The following DLEC1 variants were observed in gnomAD, a reference collection of about 807,000 sequenced individuals.
DLEC1 encodes the protein deleted in lung and esophageal cancer protein 1.
A neutral mutation model predicts 198.1 loss-of-function variants in DLEC1; 146 were observed. The observed-to-expected ratio is 0.74, with a 90% CI of 0.64 to 0.85. The LOEUF is 0.85. Among genes scored for constraint, DLEC1 ranks in the 40% least tolerant of loss-of-function variants. DLEC1 has a pLI of 0.00. For missense variants in DLEC1, 2,233 were observed against 2,220.0 expected (o/e 1.01, Z -0.12); for synonymous variants, 897 against 866.8 (o/e 1.03, Z -0.61).
intron 27 of DLEC1, among the ~76,000 whole-genome samples, chr3:38,116,088 G>A (rs1174025349): frequency 6.6e-6 from 1 of 152,040 alleles, no homozygotes; most frequent in Non-Finnish European, 1.5e-5. Flanking sequence ...TAGGCTGATG[G>A]ATAGATGGGG....
At chr3:38,041,392 C>T (rs1364498143) in intron 1 of DLEC1, among the ~76,000 whole-genome samples, 1 of 152,200 alleles carries the variant, frequency 6.6e-6, no homozygotes, top group Non-Finnish European at 1.5e-5. Context: ...ATCCTTCCAC[C>T]TCAGCCTCTC....
intron 19 of DLEC1, chr3:38,103,502 A>G (rs1187405443): frequency 6.6e-6 from 1 of 152,212 alleles, no homozygotes; most frequent in Admixed American, 6.5e-5. Flanking sequence ...TGTTTGCATA[A>G]CATTTTATTT....
intron 21 of DLEC1, 51 bp from the exon 22 acceptor site, chr3:38,109,381 A>G (rs759692048): frequency 6.2e-7 from 1 of 1,608,966 alleles, no homozygotes; most frequent in South Asian, 1.1e-5. Context: ...ATCTGGGCTC[A>G]TCTTCAGAGG....
intron 6 of DLEC1, among the ~76,000 whole-genome samples, chr3:38,075,876 G>T (rs1232524729): frequency 6.6e-6 from 1 of 151,702 alleles, no homozygotes; most frequent in Non-Finnish European, 1.5e-5. Flanking sequence ...CAGAGAGAAG[G>T]GGTTGGGGTA....
chr3:38,106,755 C>CAAAA (rs4019982), intron 19 of DLEC1, among the ~76,000 whole-genome samples: 7 of 38,962 alleles, frequency 1.8e-4, no homozygotes, highest in African/African-American at 5.0e-4. Context: ...GACTCTATCT[C>CAAAA]AAAAAAAAAA....
Position 38,116,628 on chromosome 3 carries a change from A to G in DLEC1, c.4032A>G (p.Ser1344=). 1 of 1,614,058 alleles carries G rather than the reference A, an allele frequency of 6.2e-7. No individual in the cohort carries two copies. The highest frequency in any genetic ancestry group is 8.5e-7 in the Non-Finnish European group (1 of 1,179,980). The change falls in exon 28 of 37, where the codon TCA becomes TCG. Residue 1344 remains serine, a synonymous_variant. Coordinates refer to ENST00000308059, the MANE Select transcript of DLEC1 (RefSeq NM_007335.4). ...TCTGGTCCCCAGGCCCCTCCAGTTCATCGGAATTCAGCCATGAAACTGACT... is the reference window on the plus strand; with the variant it reads ...TCTGGTCCCCAGGCCCCTCCAGTTCGTCGGAATTCAGCCATGAAACTGACT... ...CLLWSPGPSS[S]SEFSHETDSS...
intron 2 of DLEC1, 43 bp from the exon 3 acceptor site, chr3:38,059,699 G>A (rs1696573002): frequency 3.8e-6 from 6 of 1,558,980 alleles, no homozygotes; most frequent in Non-Finnish European, 5.3e-6. Context: ...TTCAAAGTCA[G>A]TCTGGCTGGA....
chr3:38,083,000 A>G (rs1186009354), intron 6 of DLEC1, among the ~76,000 whole-genome samples: 2 of 152,106 alleles, frequency 1.3e-5, no homozygotes, highest in African/African-American at 4.8e-5. Context: ...AATGAAAGGA[A>G]TTGAAATTAA....
intron 6 of DLEC1, among the ~76,000 whole-genome samples, chr3:38,077,036 G>A (rs1193023152): frequency 6.6e-6 from 1 of 152,156 alleles, no homozygotes; most frequent in Non-Finnish European, 1.5e-5. Context: ...ATAAGAGAAG[G>A]AGAAAAACAG....
intron 9 of DLEC1, among the ~76,000 whole-genome samples, chr3:38,087,072 T>TAAA (rs1171845280): frequency 8.0e-6 from 1 of 125,532 alleles, no homozygotes; most frequent in African/African-American, 3.5e-5. Flanking sequence ...AGACTCCATC[T>TAAA]CAAAAAAAAA....
intron 23 of DLEC1, among the ~76,000 whole-genome samples, chr3:38,110,815 C>A (rs1018325287): frequency 1.3e-5 from 2 of 149,654 alleles, no homozygotes; most frequent in African/African-American, 2.6e-5. Flanking sequence ...CACATGCATA[C>A]ACACATACAT....
intron 19 of DLEC1, among the ~76,000 whole-genome samples, chr3:38,101,782 T>C (rs1158129509): frequency 6.6e-6 from 1 of 152,182 alleles, no homozygotes; most frequent in Non-Finnish European, 1.5e-5. Flanking sequence ...CAGGTCTAGG[T>C]ATGAGTCTTT....
In DLEC1 at chr3:38,067,703, A is replaced by G. The variant is rs904722445; in HGVS notation, c.1173+3784A>G. ...GGCTGTGCTTCCTTACAGTATGGCA[A>G]TCTCAGGTTAATCAGACTTTTACAT... is the stretch of plus-strand genomic sequence containing the variant. On this transcript the variant is annotated intron_variant, in intron 6 of 36. Coordinates refer to ENST00000308059, the MANE Select transcript of DLEC1 (RefSeq NM_007335.4). Among the ~76,000 whole-genome samples the G allele has an allele frequency of 4.6e-5, 7 of 151,032 alleles. No homozygotes were observed. The South Asian group carries it at 6.3e-4, about 14-fold the overall frequency.
At chr3:38,117,773 C>T in intron 32 of DLEC1, 33 bp from the exon 33 acceptor site, 1 of 1,605,834 alleles carries the variant, frequency 6.2e-7, no homozygotes, top group Non-Finnish European at 8.5e-7. Flanking sequence ...AGACAAGATG[C>T]ATTCCCTGCC....
chr3:38,116,213 C>A (rs866392521), intron 27 of DLEC1, among the ~76,000 whole-genome samples: 3 of 152,288 alleles, frequency 2.0e-5, no homozygotes, highest in Non-Finnish European at 2.9e-5. Flanking sequence ...GACATGGAGA[C>A]CTGGTCTTGT....
At position 38,092,878 on chromosome 3, in the gene DLEC1, T is replaced by C. The variant is rs559949061; in HGVS notation, c.1754T>C (p.Ile585Thr). The change falls in exon 11 of 37, where the codon ATA (isoleucine) becomes ACA (threonine). Residue 585 changes from isoleucine to threonine, a missense_variant and splice_region_variant. Physicochemically the swap from Ile to Thr is moderately conservative, Grantham distance 89. Coordinates refer to ENST00000308059, the MANE Select transcript of DLEC1 (RefSeq NM_007335.4). ...DNCQIKELVT[I>T]GIGQLIALDL... ...TGCCAGATAAAGGAGCTGGTGACCA[T>C]AGGTGGGCTTGAGTGTACTCCCAGG... 6.2e-6 allele frequency: 10 copies of C among 1,614,152 alleles called. No individual in the cohort carries two copies. The South Asian group carries it at 7.7e-5, about 12-fold the overall frequency.
intron 14 of DLEC1, 72 bp downstream of exon 14, chr3:38,096,018 A>T: frequency 6.3e-7 from 1 of 1,584,210 alleles, no homozygotes; most frequent in South Asian, 1.1e-5. Context: ...TCTCCTGGGG[A>T]AGGTATCAGG....
Position 38,112,135 on chromosome 3 carries a change from G to A in DLEC1, c.3515-75G>A. ...GGTGGCTTATCGGGGACAGTGCTTT[G>A]CTCACACACGAGGGTTTGGACCTCA... On this transcript the variant is annotated intron_variant, in intron 24 of 36. Transcript: ENST00000308059. The surrounding 1 kb of genome is among the most constrained non-coding windows in gnomAD (Gnocchi z 4.8). 2 of 1,596,222 alleles carry A rather than the reference G, an allele frequency of 1.3e-6. No individual in the cohort carries two copies. The highest frequency in any genetic ancestry group is 1.7e-6 in the Non-Finnish European group (2 of 1,169,448).
In DLEC1 at chr3:38,120,627, C is replaced by G; in HGVS notation, c.4866+18C>G. On this transcript the variant is annotated intron_variant, in intron 34 of 36. Coordinates refer to ENST00000308059, the MANE Select transcript of DLEC1 (RefSeq NM_007335.4). ...CCACTCAGGCACGCCCCAGGCCCAC[C>G]TACATGTGGAGGAGGGTGGAAGTGG... The G allele has an allele frequency of 6.2e-7, 1 of 1,612,320 alleles. No homozygotes were observed. Among genetic ancestry groups the G allele is most frequent in the South Asian group, 1.1e-5 (1 of 90,990 alleles).
Sources: gnomAD v4.1 joint callset for allele counts (sites outside exome capture counted in the v4.1 genomes callset) on GRCh38, gnomAD v4.1.1 for gene constraint, Gnocchi (gnomAD v3.1) non-coding constraint, MANE v1.5 for transcripts, NCBI Gene and HGNC (gene_info 2026-07-23, HGNC 2026-07-21) for gene names.